The following DET1 variants were observed in gnomAD, a reference collection of about 807,000 sequenced individuals.
DET1 encodes DET1 homolog.
A neutral mutation model predicts 43.7 loss-of-function variants in DET1; 22 were observed. That is an observed-to-expected ratio of 0.50 (90% CI 0.36 to 0.72). DET1 has a LOEUF of 0.72. Ranked by LOEUF, DET1 falls within the 30% of genes least tolerant of loss-of-function variation. The pLI is 0.00. For synonymous variants in DET1, 315 were observed against 266.2 expected (o/e 1.18, Z -1.79); for missense variants, 713 against 713.3 (o/e 1.00, Z 0.00).
chr15:88,536,769 T>C (rs1356309516), intron 1 of DET1, among the ~76,000 whole-genome samples: 4 of 55,452 alleles, frequency 7.2e-5, no homozygotes, highest in African/African-American at 4.5e-4. Flanking sequence ...AGACTCCATC[T>C]CAAAAAAAAA....
rs1211019387 is a variant in DET1, at chr15:88,516,739, T to A, written c.1463+43A>T. Reference sequence around the variant, plus strand: ...AAAGAGAAAAAGAAAGCAGGCCATCTTCAGCCCTTGAGCAGTTTGTAGCTA... The same window carrying A: ...AAAGAGAAAAAGAAAGCAGGCCATCATCAGCCCTTGAGCAGTTTGTAGCTA... On this transcript the variant is annotated intron_variant, in intron 4 of 4. Coordinates refer to ENST00000268148, the MANE Select transcript of DET1 (RefSeq NM_001144074.3). This position sits in a 1 kb window ranked among gnomAD's most constrained non-coding sequence, Gnocchi z 4.4. The A allele has an allele frequency of 6.9e-7, 1 of 1,451,598 alleles. No individual in the cohort carries two copies. The highest frequency in any genetic ancestry group is 9.1e-7 in the Non-Finnish European group (1 of 1,097,600). The allele number at this position is 1,451,598 out of a possible 1,614,324, so 89.9% of individuals were successfully genotyped here.
rs1044149340 is a variant in DET1 at position 88,545,183 on chromosome 15, T to C, written c.-11+1357A>G. Among the ~76,000 whole-genome samples the C allele has an allele frequency of 3.3e-5, 5 of 152,162 alleles. No homozygotes were observed. The East Asian group carries it at 7.7e-4, about 23-fold the overall frequency. On this transcript the variant is annotated intron_variant, in intron 1 of 4. Coordinates refer to ENST00000268148, the MANE Select transcript of DET1 (RefSeq NM_001144074.3). ...CTAAATTATGTACTAAAAAAAAAAT[T>C]GTAATCCTCTTACAATAATATTACG...
chr15:88,510,295 T>C (rs988714458), downstream of DET1, among the ~76,000 whole-genome samples: 2 of 152,072 alleles, frequency 1.3e-5, no homozygotes, highest in East Asian at 1.9e-4. Context: ...CAAATTAAGT[T>C]TCAGAAAAGA....
Position 88,533,252 on chromosome 15 carries a change from T to C in DET1, c.-10-1537A>G, listed in dbSNP as rs139741469. On this transcript the variant is annotated intron_variant, in intron 1 of 4. Transcript: ENST00000268148. ...CAATGGGATATCACCTCACACCCATTAGAACGACTGCTTTTTTTAAAAAAA... is the reference window on the plus strand; with the variant it reads ...CAATGGGATATCACCTCACACCCATCAGAACGACTGCTTTTTTTAAAAAAA... Among the ~76,000 whole-genome samples, 1,065 of 152,224 alleles carry C rather than the reference T, an allele frequency of 7.0e-3. 5 individuals carry two copies. Among genetic ancestry groups the C allele is most frequent in the Middle Eastern group, 0.027 (8 of 292 alleles).
chr15:88,512,257 A>T, downstream of DET1: 4 of 717,190 alleles, frequency 5.6e-6, no homozygotes, highest in Non-Finnish European at 6.8e-6. Context: ...ATGTGCAATT[A>T]CACCCAGTTC....
At chr15:88,546,700 A>T (rs1224010933), upstream of DET1, 1 of 150,552 alleles carries the variant, frequency 6.6e-6, no homozygotes, top group African/African-American at 2.5e-5. Context: ...GCAAAAAGGG[A>T]AGTAGGGGAG....
chr15:88,530,824 G>T lies in DET1; in HGVS notation c.882C>A (p.Ser294=), dbSNP rs774008588. The T allele has an allele frequency of 2.7e-5, 44 of 1,613,816 alleles. No individual in the cohort carries two copies. The highest frequency in any genetic ancestry group is 3.6e-5 in the Non-Finnish European group (43 of 1,179,866). The change falls in exon 2 of 5, where the codon TCC becomes TCA. Residue 294 remains serine, a synonymous_variant. Coordinates refer to ENST00000268148, the MANE Select transcript of DET1 (RefSeq NM_001144074.3). ...AATATACCAGCAACCGGTGTTTGAGGGAATTGATGAAAGGATCCCTAAAGG... is the reference window on the plus strand; with the variant it reads ...AATATACCAGCAACCGGTGTTTGAGTGAATTGATGAAAGGATCCCTAAAGG... ...ANPFRDPFIN[S]LKHRLLVYLW...
At chr15:88,527,542 T>A (rs2056697171) in intron 3 of DET1, 57 bp downstream of exon 3, 4 of 1,478,094 alleles carry the variant, frequency 2.7e-6, no homozygotes, top group Admixed American at 2.3e-5. Flanking sequence ...CAACAGCTAT[T>A]GGCCTAACAC....
intron 7 of DET1, among the ~76,000 whole-genome samples, chr15:88,507,235 C>A (rs1294663621): frequency 1.3e-5 from 2 of 152,138 alleles, no homozygotes; most frequent in South Asian, 4.1e-4. Context: ...TAAATCCAGA[C>A]CTGACTCCTT....
intron 1 of DET1, among the ~76,000 whole-genome samples, chr15:88,539,431 G>GC (rs974398067): frequency 1.7e-4 from 25 of 144,108 alleles, no homozygotes; most frequent in East Asian, 1.6e-3. Context: ...TCACGGGAGG[G>GC]CCCCCCCTTG....
At chr15:88,528,918 C>G (rs2056739432) in intron 2 of DET1, among the ~76,000 whole-genome samples, 3 of 152,182 alleles carry the variant, frequency 2.0e-5, no homozygotes, top group South Asian at 2.1e-4. Flanking sequence ...GAATAGTACT[C>G]ATAATATTAC....
At chr15:88,525,929 G>C (rs1318203485) in intron 3 of DET1, among the ~76,000 whole-genome samples, 1 of 150,622 alleles carries the variant, frequency 6.6e-6, no homozygotes. Flanking sequence ...ACCTGGCTTG[G>C]ACTTCCAAAG....
chr15:88,540,126 C>A (rs944763723), intron 1 of DET1, among the ~76,000 whole-genome samples: 1 of 152,082 alleles, frequency 6.6e-6, no homozygotes, highest in Non-Finnish European at 1.5e-5. Flanking sequence ...CAGGACTTGG[C>A]TCTGCTCTCG....
At chr15:88,521,559 A>G (rs1013831663) in intron 3 of DET1, among the ~76,000 whole-genome samples, 1 of 152,132 alleles carries the variant, frequency 6.6e-6, no homozygotes, top group Admixed American at 6.5e-5. Flanking sequence ...TTTGTGGTCT[A>G]TTGAAGTACA....
At chr15:88,520,428 A>G (rs899628798) in intron 3 of DET1, among the ~76,000 whole-genome samples, 1 of 152,170 alleles carries the variant, frequency 6.6e-6, no homozygotes, top group African/African-American at 2.4e-5. Context: ...GCTAACTCCA[A>G]TAAGTTAATT....
At chr15:88,503,916 T>C (rs1373689793) in exon 8 of DET1, 1 of 152,098 alleles carries the variant, frequency 6.6e-6, no homozygotes, top group East Asian at 1.9e-4. Context: ...GGGAGGATCG[T>C]TTGAGCCCAG....
intron 1 of DET1, among the ~76,000 whole-genome samples, chr15:88,538,440 AC>A (rs1351662276): frequency 6.6e-6 from 1 of 150,932 alleles, no homozygotes. Flanking sequence ...TATCCTTTTA[AC>A]TTTTTGACTA....
At chr15:88,530,533 T>C in intron 2 of DET1, 90 bp downstream of exon 2, 1 of 1,509,574 alleles carries the variant, frequency 6.6e-7, no homozygotes, top group Non-Finnish European at 8.8e-7. Flanking sequence ...GAAATGTCTA[T>C]TTCTGAGGGG....
At chr15:88,503,637 C>T (rs1022047482) in intron 8 of DET1, 1 of 152,188 alleles carries the variant, frequency 6.6e-6, no homozygotes, top group African/African-American at 2.4e-5. Flanking sequence ...CAAAAAGACA[C>T]CTTTATTTAT....
Sources: gnomAD v4.1 joint callset for allele counts (sites outside exome capture counted in the v4.1 genomes callset) on GRCh38, gnomAD v4.1.1 for gene constraint, Gnocchi (gnomAD v3.1) non-coding constraint, MANE v1.5 for transcripts, NCBI Gene and HGNC (gene_info 2026-07-23, HGNC 2026-07-21) for gene names.